The following OTOG variants were observed in gnomAD, a reference collection of about 807,000 sequenced individuals.
OTOG encodes the protein otogelin.
In OTOG, 296 loss-of-function variants were observed where a neutral mutation model predicts 313.8. The observed-to-expected ratio is 0.94, with a 90% CI of 0.86 to 1.04. The LOEUF is 1.04. Among genes scored for constraint, OTOG ranks in the 50% least tolerant of loss-of-function variants. OTOG has a pLI of 0.00. For synonymous variants in OTOG, 1,533 were observed against 1,554.9 expected (o/e 0.99, Z 0.33); for missense variants, 3,948 against 3,840.1 (o/e 1.03, Z -0.74).
rs965311772 is a variant in OTOG, at chr11:17,632,096, G to T, written c.6942G>T (p.Pro2314=). The T allele has an allele frequency of 6.4e-7, 1 of 1,550,814 alleles. No individual in the cohort carries two copies. Among genetic ancestry groups the T allele is most frequent in the African/African-American group, 1.4e-5 (1 of 73,052 alleles). ...TFSACHRFVP[P]ESFCELWIRD... is the part of the protein sequence containing the mutation. ...CTGATGCATATGTCCAGGTGCCTCC[G>T]GAGTCATTCTGTGAGCTGTGGATCC... Residue 2314 remains proline, a synonymous_variant, in exon 42 of 56, where the codon CCG becomes CCT. Coordinates refer to ENST00000399397, the MANE Select transcript of OTOG (RefSeq NM_001292063.2).
chr11:17,603,999 T>C (rs1011820811), intron 32 of OTOG, among the ~76,000 whole-genome samples: 1 of 152,132 alleles, frequency 6.6e-6, no homozygotes, highest in African/African-American at 2.4e-5. Context: ...TTAATCCTCA[T>C]GACAATCTTA....
chr11:17,558,579 T>C lies in OTOG; in HGVS notation c.1038T>C (p.Phe346=). Residue 346 remains phenylalanine, a synonymous_variant, in exon 10 of 56, where the codon TTT becomes TTC. Coordinates refer to ENST00000399397, the MANE Select transcript of OTOG (RefSeq NM_001292063.2). Reference sequence around the variant, plus strand: ...GTGAGGCTCTACTGCGGCCCCCCTTTGACGCCTGCCACGCCTACGTCAGCC... The same window carrying C: ...GTGAGGCTCTACTGCGGCCCCCCTTCGACGCCTGCCACGCCTACGTCAGCC... ...EQCEALLRPP[F]DACHAYVSPL... is the part of the protein sequence containing the mutation. 2 of 1,550,500 alleles carry C rather than the reference T, an allele frequency of 1.3e-6. No individual in the cohort carries two copies. The highest frequency in any genetic ancestry group is 1.7e-6 in the Non-Finnish European group (2 of 1,146,996).
chr11:17,627,805 T>G (rs1854023067), intron 39 of OTOG, among the ~76,000 whole-genome samples: 1 of 152,186 alleles, frequency 6.6e-6, no homozygotes, highest in Non-Finnish European at 1.5e-5. Context: ...TGGTTCAATC[T>G]TGAGGTTGTA....
rs376626222 is a variant in OTOG, at chr11:17,621,059, G to A, written c.6528+7358G>A. Among the ~76,000 whole-genome samples the A allele has an allele frequency of 1.4e-4, 22 of 152,114 alleles. No homozygotes were observed. The South Asian group carries it at 3.3e-3, about 23-fold the overall frequency. ...AATTGTTTGTATTTCCTTGTCTACC[G>A]TGTGTGTCATTTCTCAGTCAGTTCT... is the stretch of plus-strand genomic sequence containing the variant. On this transcript the variant is annotated intron_variant, in intron 39 of 55. Transcript: ENST00000399397.
At chr11:17,606,284 G>A in intron 33 of OTOG, 149 bp downstream of exon 33, 2 of 1,094,560 alleles carry the variant, frequency 1.8e-6, no homozygotes, top group South Asian at 3.5e-5. Context: ...GCCACCCTGA[G>A]ATGAGAGGTG....
rs2134022507 is a variant in OTOG, at chr11:17,570,248, C to T, written c.1813C>T (p.Leu605=). 1 of 1,550,884 alleles carries T rather than the reference C, an allele frequency of 6.4e-7. No individual in the cohort carries two copies. Among genetic ancestry groups the T allele is most frequent in the Non-Finnish European group, 8.7e-7 (1 of 1,147,038 alleles). The part of the protein sequence containing the change: ...FEIRRLSSVF[L]RVRTNVGVRV... ...GATCCGTAGGCTGTCCTCCGTGTTC[C>T]TGCGGGTGAGGACGAACGTGGGCGT... Residue 605 remains leucine, a synonymous_variant, in exon 17 of 56, where the codon CTG becomes TTG. Coordinates refer to ENST00000399397, the MANE Select transcript of OTOG (RefSeq NM_001292063.2).
chr11:17,548,289 T>A, intron 3 of OTOG, 77 bp downstream of exon 3: 1 of 1,326,070 alleles, frequency 7.5e-7, no homozygotes, highest in Non-Finnish European at 1.0e-6. Flanking sequence ...CAGGGAGCTC[T>A]GTAGGTTACA....
intron 24 of OTOG, 60 bp from the exon 25 acceptor site, chr11:17,591,390 T>A: frequency 6.5e-7 from 1 of 1,537,262 alleles, no homozygotes; most frequent in Non-Finnish European, 8.8e-7. Context: ...GGCTCTGTCA[T>A]GAGTATTCAG....
chr11:17,610,061 G>A lies in OTOG; in HGVS notation c.4761G>A (p.Glu1587=). 1 of 1,550,420 alleles carries A rather than the reference G, an allele frequency of 6.4e-7. No individual in the cohort carries two copies. The highest frequency in any genetic ancestry group is 8.7e-7 in the Non-Finnish European group (1 of 1,146,822). ...PTPGMVSGAM[E]TTRVTVIFAG... Reference sequence around the variant, plus strand: ...CTGGCATGGTGTCAGGTGCCATGGAGACAACAAGGGTGACTGTGATCTTTG... The same window carrying A: ...CTGGCATGGTGTCAGGTGCCATGGAAACAACAAGGGTGACTGTGATCTTTG... Residue 1587 remains glutamate (E), a synonymous_variant, in exon 36 of 56, where the codon GAG becomes GAA. Transcript: ENST00000399397.
intron 30 of OTOG, among the ~76,000 whole-genome samples, chr11:17,598,591 G>A (rs553062917): frequency 1.8e-4 from 27 of 152,256 alleles, no homozygotes; most frequent in African/African-American, 5.8e-4. Flanking sequence ...TGTACGTAGC[G>A]GTCCCACCTT....
intron 19 of OTOG, among the ~76,000 whole-genome samples, 173 bp downstream of exon 19, chr11:17,573,463 C>T (rs562808258): frequency 6.6e-6 from 1 of 152,234 alleles, no homozygotes; most frequent in Non-Finnish European, 1.5e-5. Context: ...CCCCCATCCC[C>T]TCCATCACTC....
In OTOG at chr11:17,608,014, A is replaced by G. The variant is rs188307827; in HGVS notation, c.4157-282A>G. 8.5e-5 allele frequency among the ~76,000 whole-genome samples: 13 copies of G among 152,064 alleles called. No individual in the cohort carries two copies. In the East Asian group the frequency reaches 2.3e-3, roughly 27 times the overall value. ...GGTCACCCTTCGAAACCTCACTCCA[A>G]CTGCCGGGGCCAGAGCTTCCCTGTC... On this transcript the variant is annotated intron_variant, in intron 33 of 55. Transcript: ENST00000399397.
chr11:17,599,312 G>A (rs544759752), intron 30 of OTOG, among the ~76,000 whole-genome samples: 151 of 152,246 alleles, frequency 9.9e-4, no homozygotes, highest in African/African-American at 3.4e-3. Flanking sequence ...GGGGCCTTCC[G>A]CAACATTTCT....
intron 23 of OTOG, among the ~76,000 whole-genome samples, chr11:17,579,755 G>A (rs955242938): frequency 6.6e-6 from 1 of 152,158 alleles, no homozygotes; most frequent in Non-Finnish European, 1.5e-5. Flanking sequence ...GAAAAGCCAG[G>A]GTGTCTGGGG....
At chr11:17,600,332 C>T (rs1350267809) in intron 31 of OTOG, among the ~76,000 whole-genome samples, 2 of 152,148 alleles carry the variant, frequency 1.3e-5, no homozygotes, top group Non-Finnish European at 2.9e-5. Context: ...TTTTTAGCAC[C>T]GAACTTCATC....
intron 32 of OTOG, among the ~76,000 whole-genome samples, chr11:17,603,997 C>T (rs1853319009): frequency 6.6e-6 from 1 of 152,186 alleles, no homozygotes; most frequent in Non-Finnish European, 1.5e-5. Context: ...ATTTAATCCT[C>T]ATGACAATCT....
At chr11:17,596,827 C>T in intron 29 of OTOG, 24 bp from the exon 30 acceptor site, 1 of 1,546,460 alleles carries the variant, frequency 6.5e-7, no homozygotes, top group Non-Finnish European at 8.7e-7. Context: ...TGTCCTCTGA[C>T]CTCTAACTTC....
At chr11:17,630,250 C>T (rs1854087812) in intron 40 of OTOG, among the ~76,000 whole-genome samples, 2 of 152,174 alleles carry the variant, frequency 1.3e-5, no homozygotes, top group South Asian at 2.1e-4. Flanking sequence ...ACCATCCCCA[C>T]CACCACCAAC....
At chr11:17,568,513 C>T (rs1028161550) in intron 15 of OTOG, among the ~76,000 whole-genome samples, 1 of 152,194 alleles carries the variant, frequency 6.6e-6, no homozygotes, top group Non-Finnish European at 1.5e-5. Flanking sequence ...ATGTCTGTGT[C>T]CCACACAAGT....
Sources: gnomAD v4.1 joint callset for allele counts (sites outside exome capture counted in the v4.1 genomes callset) on GRCh38, gnomAD v4.1.1 for gene constraint, MANE v1.5 for transcripts, NCBI Gene and HGNC (gene_info 2026-07-23, HGNC 2026-07-21) for gene names.